PLA2G4C: variants seen among roughly 807,000 people sequenced by gnomAD.
The protein encoded by PLA2G4C is phospholipase A2 group IVC, also known as cytosolic phospholipase A2 gamma.
A neutral mutation model predicts 73.8 loss-of-function variants in PLA2G4C; 64 were observed. That is an observed-to-expected ratio of 0.87 (90% CI 0.71 to 1.07). The LOEUF is 1.07. Ranked by LOEUF, PLA2G4C falls within the 50% of genes least tolerant of loss-of-function variation. PLA2G4C has a pLI of 0.00. For missense variants in PLA2G4C, 622 were observed against 665.4 expected (o/e 0.93, Z 0.72); for synonymous variants, 254 against 252.1 (o/e 1.01, Z -0.07).
At chr19:48,100,483 T>C (rs1470414954) in intron 4 of PLA2G4C, among the ~76,000 whole-genome samples, 1 of 151,518 alleles carries the variant, frequency 6.6e-6, no homozygotes, top group African/African-American at 2.4e-5. Context: ...CACACGCCTG[T>C]GGTCCCAGCT....
intron 9 of PLA2G4C, among the ~76,000 whole-genome samples, chr19:48,086,851 A>G (rs1301271705): frequency 6.6e-6 from 1 of 152,214 alleles, no homozygotes; most frequent in Non-Finnish European, 1.5e-5. Flanking sequence ...TACTATAACT[A>G]GCATTCAAGG....
At chr19:48,067,930 G>T in intron 12 of PLA2G4C, 44 bp from the exon 13 acceptor site, 1 of 1,365,048 alleles carries the variant, frequency 7.3e-7, no homozygotes, top group Non-Finnish European at 1.0e-6. Context: ...TCAGGAGACT[G>T]AGTGGTTTCT....
At chr19:48,080,219 G>GA (rs1295699134) in intron 10 of PLA2G4C, among the ~76,000 whole-genome samples, 1 of 151,670 alleles carries the variant, frequency 6.6e-6, no homozygotes, top group Non-Finnish European at 1.5e-5. Flanking sequence ...AGAAACATAT[G>GA]AAAAAAATGG....
intron 9 of PLA2G4C, among the ~76,000 whole-genome samples, chr19:48,087,406 C>T (rs916562887): frequency 6.6e-6 from 1 of 152,186 alleles, no homozygotes; most frequent in Non-Finnish European, 1.5e-5. Context: ...CTTTCTGGAA[C>T]ATATCAGGGC....
intron 16 of PLA2G4C, among the ~76,000 whole-genome samples, chr19:48,048,938 G>A (rs1967621294): frequency 6.6e-6 from 1 of 152,280 alleles, no homozygotes. Flanking sequence ...GCGGTAATGA[G>A]TGAGTTCTTG....
intron 4 of PLA2G4C, among the ~76,000 whole-genome samples, chr19:48,101,418 A>C (rs1478914577): frequency 6.6e-6 from 1 of 151,954 alleles, no homozygotes; most frequent in Non-Finnish European, 1.5e-5. Context: ...TATAGGTGTG[A>C]GCCACCGTGC....
At chr19:48,101,674 C>CTTTTTTTTTTTTTTT (rs71181648) in intron 4 of PLA2G4C, among the ~76,000 whole-genome samples, 3 of 131,834 alleles carry the variant, frequency 2.3e-5, no homozygotes, top group African/African-American at 5.7e-5. Flanking sequence ...CCTTTAATAT[C>CTTTTTTTTTTTTTTT]TTTTTTTTTT....
In PLA2G4C at chr19:48,052,964, T is replaced by C; in HGVS notation, c.1580+33A>G. 3 of 1,580,556 alleles carry C rather than the reference T, an allele frequency of 1.9e-6. No individual in the cohort carries two copies. In the South Asian group the frequency reaches 3.4e-5, roughly 18 times the overall value. On this transcript the variant is annotated intron_variant, in intron 16 of 16. Transcript: ENST00000599921. The stretch of plus-strand genomic sequence containing the variant: ...CCAACAGATACTTACTGAACGAGCA[T>C]AGGCATCAGAGCGACTATGGTCTCC...
chr19:48,067,640 C>G, intron 13 of PLA2G4C, 151 bp downstream of exon 13: 2 of 678,736 alleles, frequency 2.9e-6, no homozygotes, highest in South Asian at 1.8e-5. Flanking sequence ...GAAAGTTCCC[C>G]TAATCAGATC....
At chr19:48,051,221 C>T (rs1967712099) in intron 16 of PLA2G4C, among the ~76,000 whole-genome samples, 1 of 152,168 alleles carries the variant, frequency 6.6e-6, no homozygotes, top group Non-Finnish European at 1.5e-5. Context: ...GGAACAGCTT[C>T]TCCCCTGGAG....
At chr19:48,088,835 A>G in intron 8 of PLA2G4C, 123 bp from the exon 9 acceptor site, 1 of 755,334 alleles carries the variant, frequency 1.3e-6, no homozygotes, top group Non-Finnish European at 2.3e-6. Context: ...ATGGGCTCCA[A>G]TGGCAGCCAA....
intron 12 of PLA2G4C, among the ~76,000 whole-genome samples, chr19:48,069,440 G>C (rs1027341060): frequency 3.3e-5 from 5 of 152,124 alleles, no homozygotes; most frequent in African/African-American, 9.7e-5. Context: ...GGATAAACCA[G>C]GTCATTATCC....
chr19:48,091,637 C>T (rs1568445577), intron 7 of PLA2G4C, among the ~76,000 whole-genome samples: 1 of 152,018 alleles, frequency 6.6e-6, no homozygotes. Flanking sequence ...GCCTGTAATG[C>T]TAACACTTTG....
chr19:48,087,652 C>T (rs547682709), intron 9 of PLA2G4C, among the ~76,000 whole-genome samples: 2 of 152,184 alleles, frequency 1.3e-5, no homozygotes, highest in Admixed American at 6.5e-5. Context: ...CCACGGTGCA[C>T]AGCCAGGCAT....
At chr19:48,107,020 T>C (rs1337962344) in intron 1 of PLA2G4C, among the ~76,000 whole-genome samples, 2 of 152,096 alleles carry the variant, frequency 1.3e-5, no homozygotes, top group African/African-American at 4.8e-5. Context: ...AATTTTTGTA[T>C]TTTTAGTAGA....
In PLA2G4C at chr19:48,110,536, C is replaced by CGGAATCCGGTGCGGAGGCTTGGGCTCT; in HGVS notation, c.-83_-82insAGAGCCCAAGCCTCCGCACCGGATTCC. On this transcript the variant is annotated 5_prime_UTR_variant, in exon 1 of 17. Coordinates refer to ENST00000599921, the MANE Select transcript of PLA2G4C (RefSeq NM_003706.3). ...CGCATGCGCGGTGGAGCTTGTGCTC[C>CGGAATCCGGTGCGGAGGCTTGGGCTCT]GGAATCCGGTGCGGAGGCTTGGGCT... 1.3e-6 allele frequency: 2 copies of CGGAATCCGGTGCGGAGGCTTGGGCTCT among 1,532,974 alleles called. No individual in the cohort carries two copies. The highest frequency in any genetic ancestry group is 1.8e-6 in the Non-Finnish European group (2 of 1,142,658). 95.0% of individuals were successfully genotyped at this position (1,532,974 alleles called of 1,614,324 possible).
chr19:48,060,533 T>A (rs144652975), intron 14 of PLA2G4C, among the ~76,000 whole-genome samples: 2 of 152,260 alleles, frequency 1.3e-5, no homozygotes, highest in East Asian at 3.9e-4. Flanking sequence ...GGACCAGGCA[T>A]GGTGCAGAGA....
At chr19:48,109,125 T>C (rs1311629031) in intron 1 of PLA2G4C, among the ~76,000 whole-genome samples, 1 of 152,164 alleles carries the variant, frequency 6.6e-6, no homozygotes, top group Non-Finnish European at 1.5e-5. Context: ...ATGTTAGCTT[T>C]CTCTCATTAC....
chr19:48,084,955 C>T, intron 10 of PLA2G4C, 104 bp downstream of exon 10: 1 of 798,124 alleles, frequency 1.3e-6, no homozygotes, highest in Non-Finnish European at 2.2e-6. Flanking sequence ...TTGTTAGAAC[C>T]ATTATACACA....
Sources: gnomAD v4.1 joint callset for allele counts (sites outside exome capture counted in the v4.1 genomes callset) on GRCh38, gnomAD v4.1.1 for gene constraint, MANE v1.5 for transcripts, NCBI Gene and HGNC (gene_info 2026-07-23, HGNC 2026-07-21) for gene names.